Variants in RAB40A observed in about 807,000 individuals in gnomAD.
The protein encoded by RAB40A is ras-related protein Rab-40A.
For missense variants in RAB40A, 145 were observed against 230.2 expected, an observed-to-expected ratio of 0.63 and a Z score of 2.40; for synonymous variants, 65 against 99.9, an observed-to-expected ratio of 0.65 and a Z score of 2.08.
At chrX:103,500,922 A>C in intron 2 of RAB40A, 96 bp from the exon 3 acceptor site, 1 of 921,329 alleles carries the variant, frequency 1.1e-6, no homozygotes, top group East Asian at 3.4e-5. Flanking sequence ...TTTCTTTTAC[A>C]AACCCTAGGA....
intron 1 of RAB40A, among the ~76,000 whole-genome samples, chrX:103,517,986 T>G (rs67719496): frequency 0.17 from 18,900 of 111,244 alleles, 1,454 homozygotes; most frequent in East Asian, 0.43. Flanking sequence ...CACTGGCCAC[T>G]CATGGCTATT....
intron 2 of RAB40A, among the ~76,000 whole-genome samples, chrX:103,505,533 A>G (rs748044319): frequency 1.1e-4 from 12 of 111,919 alleles, no homozygotes; most frequent in African/African-American, 3.6e-4. Flanking sequence ...GTATCTCATG[A>G]CAATTTTAAT....
chrX:103,506,294 C>A (rs2073254457), intron 2 of RAB40A, among the ~76,000 whole-genome samples: 1 of 111,024 alleles, frequency 9.0e-6, no homozygotes, highest in South Asian at 3.8e-4. Flanking sequence ...TTACTCCCAC[C>A]TCCCCCTTCT....
At chrX:103,502,142 A>G (rs763720739) in intron 2 of RAB40A, 1 of 123,623 alleles carries the variant, frequency 8.1e-6, no homozygotes, top group African/African-American at 3.2e-5. Flanking sequence ...ATCTTTTTAA[A>G]AAGGAAAAAA....
intron 2 of RAB40A, among the ~76,000 whole-genome samples, chrX:103,506,922 ATTTC>A (rs1293804458): frequency 8.9e-6 from 1 of 111,788 alleles, no homozygotes; most frequent in Non-Finnish European, 1.9e-5. Context: ...TTTTAATTTT[ATTTC>A]TTCTAAAAAA....
chrX:103,494,614 T>G (rs1253277577), downstream of RAB40A, among the ~76,000 whole-genome samples: 1 of 112,127 alleles, frequency 8.9e-6, no homozygotes, highest in African/African-American at 3.2e-5. Flanking sequence ...TGGCAAGAAA[T>G]AGAGGGTCTA....
At chrX:103,515,811 A>G (rs1013393544) in intron 2 of RAB40A, among the ~76,000 whole-genome samples, 1 of 112,002 alleles carries the variant, frequency 8.9e-6, no homozygotes, top group African/African-American at 3.2e-5. Flanking sequence ...TTATGAAACA[A>G]CATCCCTGTT....
chrX:103,503,604 C>T (rs1294250908), intron 2 of RAB40A: 1 of 439,032 alleles, frequency 2.3e-6, no homozygotes, highest in Non-Finnish European at 2.8e-6. Flanking sequence ...AGCTGTGATG[C>T]CTCCTGATGG....
chrX:103,507,464 A>T (rs1343457332), intron 2 of RAB40A, among the ~76,000 whole-genome samples: 1 of 108,818 alleles, frequency 9.2e-6, no homozygotes, highest in African/African-American at 3.5e-5. Context: ...CCTAAACATT[A>T]TACAGGTCAT....
At chrX:103,504,882 TAAA>T (rs1281237238) in intron 2 of RAB40A, among the ~76,000 whole-genome samples, 2 of 112,349 alleles carry the variant, frequency 1.8e-5, no homozygotes, top group African/African-American at 6.5e-5. Context: ...TATTTAATCT[TAAA>T]GAAGGGGAAA....
At chrX:103,514,671 G>T (rs1192484657) in intron 2 of RAB40A, among the ~76,000 whole-genome samples, 1 of 111,742 alleles carries the variant, frequency 8.9e-6, no homozygotes, top group East Asian at 2.8e-4. Context: ...GTGAATTTCA[G>T]TTGTACATAT....
intron 2 of RAB40A, among the ~76,000 whole-genome samples, chrX:103,506,881 T>A (rs2073257069): frequency 8.9e-6 from 1 of 112,316 alleles, no homozygotes; most frequent in Non-Finnish European, 1.9e-5. Context: ...AATATTTGCA[T>A]CTTGTTAGTT....
intron 2 of RAB40A, among the ~76,000 whole-genome samples, chrX:103,508,071 C>G (rs994539277): frequency 8.9e-6 from 1 of 112,671 alleles, no homozygotes; most frequent in African/African-American, 3.2e-5. Flanking sequence ...AACCCAATAT[C>G]TGAGATGTAG....
chrX:103,513,074 G>C (rs1034905089), intron 2 of RAB40A, among the ~76,000 whole-genome samples: 2 of 111,833 alleles, frequency 1.8e-5, no homozygotes, highest in African/African-American at 6.5e-5. Flanking sequence ...AGGTGGGCAG[G>C]TTTAGGGAAA....
At chrX:103,511,874 A>G (rs760213921) in intron 2 of RAB40A, among the ~76,000 whole-genome samples, 1 of 111,975 alleles carries the variant, frequency 8.9e-6, no homozygotes, top group South Asian at 3.8e-4. Context: ...AGATGTAATC[A>G]AGTTAAGATG....
chrX:103,501,438 G>A (rs1457209811), intron 2 of RAB40A: 1 of 123,451 alleles, frequency 8.1e-6, no homozygotes, highest in Non-Finnish European at 1.9e-5. Context: ...TGTTTACATG[G>A]GCACTAATAC....
intron 2 of RAB40A, chrX:103,503,362 T>C (rs1377423105): frequency 2.7e-6 from 2 of 750,943 alleles, no homozygotes; most frequent in East Asian, 1.5e-4. Flanking sequence ...GGGAAGCTTA[T>C]GCACGGGCAA....
intron 1 of RAB40A, among the ~76,000 whole-genome samples, chrX:103,518,334 A>G (rs1240687169): frequency 1.8e-5 from 2 of 111,593 alleles, no homozygotes; most frequent in African/African-American, 6.5e-5. Flanking sequence ...CCTTAAAAAT[A>G]TAATATATAT....
chrX:103,499,869 G>A lies in RAB40A; in HGVS notation c.*54C>T. ...ACAATGCGACTTCCATCTTCCAGGT[G>A]TAACCAGAGTTTTTCCTGGAGCGAT... On this transcript the variant is annotated 3_prime_UTR_variant, in exon 3 of 3. Transcript: ENST00000304236. 8.5e-7 allele frequency: 1 copy of A among 1,182,155 alleles called. No individual in the cohort carries two copies. Among genetic ancestry groups the A allele is most frequent in the Non-Finnish European group, 1.2e-6 (1 of 868,463 alleles).
Sources: gnomAD v4.1 joint callset for allele counts (sites outside exome capture counted in the v4.1 genomes callset) on GRCh38, gnomAD v4.1.1 for gene constraint, MANE v1.5 for transcripts, NCBI Gene and HGNC (gene_info 2026-07-23, HGNC 2026-07-21) for gene names.